The following ARHGAP8 variants were observed in gnomAD, a reference collection of about 807,000 sequenced individuals.
The protein encoded by ARHGAP8 is Rho GTPase activating protein 8, also known as rho GTPase-activating protein 8.
A neutral mutation model predicts 46.1 loss-of-function variants in ARHGAP8; 62 were observed. That is an observed-to-expected ratio of 1.34 (90% confidence interval 1.10 to 1.66). ARHGAP8 has a LOEUF of 1.66. Ranked by LOEUF, ARHGAP8 falls within the 40% of genes most tolerant of loss-of-function variation. ARHGAP8 has a pLI of 0.00. For synonymous variants in ARHGAP8, 375 were observed against 243.1 expected (o/e 1.54, Z -5.05); for missense variants, 923 against 568.4 (o/e 1.62, Z -6.34).
rs534993216 is a variant in ARHGAP8, at chr22:44,853,276, A to G, written c.877+4216A>G. ...GGGTGTTCCGGTGAACTTTCTGAGC[A>G]GACTGAGTAGGAGGCACAAGGACTA... On this transcript the variant is annotated intron_variant, in intron 10 of 11. Coordinates refer to ENST00000356099, the MANE Select transcript of ARHGAP8 (RefSeq NM_181335.3). 3.3e-5 allele frequency among the ~76,000 whole-genome samples: 5 copies of G among 152,332 alleles called. No individual in the cohort carries two copies. The South Asian group carries it at 1.0e-3, about 32-fold the overall frequency.
chr22:44,810,960 T>C (rs1239343201), intron 4 of ARHGAP8, among the ~76,000 whole-genome samples: 1 of 152,114 alleles, frequency 6.6e-6, no homozygotes, highest in East Asian at 1.9e-4. Context: ...ATGTGCACAG[T>C]AGCCCTGTCT....
chr22:44,814,272 C>T (rs530337946), intron 4 of ARHGAP8, among the ~76,000 whole-genome samples: 2 of 152,320 alleles, frequency 1.3e-5, no homozygotes, highest in South Asian at 2.1e-4. Context: ...ATAACCAACA[C>T]GGTGAGCTCC....
intron 1 of ARHGAP8, chr22:44,765,764 A>G (rs1054548236): frequency 6.6e-6 from 1 of 152,380 alleles, no homozygotes; most frequent in African/African-American, 2.4e-5. Flanking sequence ...GCATGTGCCA[A>G]GTTCTCAGCT....
chr22:44,835,880 G>A (rs1255202868), intron 7 of ARHGAP8, among the ~76,000 whole-genome samples: 6 of 151,942 alleles, frequency 3.9e-5, no homozygotes, highest in Admixed American at 6.6e-5. Context: ...TCCTGTGTGC[G>A]TAGGATATGC....
At chr22:44,760,295 C>G (rs560056835) in intron 1 of ARHGAP8, among the ~76,000 whole-genome samples, 1 of 152,160 alleles carries the variant, frequency 6.6e-6, no homozygotes, top group Non-Finnish European at 1.5e-5. Context: ...TGGGATGCCA[C>G]TGGGGGACCC....
intron 7 of ARHGAP8, among the ~76,000 whole-genome samples, chr22:44,844,548 C>T (rs1394234872): frequency 2.0e-5 from 3 of 152,086 alleles, no homozygotes; most frequent in Non-Finnish European, 4.4e-5. Flanking sequence ...CTGCAACCTC[C>T]ACCTCATGGG....
chr22:44,815,517 C>T (rs1054804532), intron 5 of ARHGAP8, among the ~76,000 whole-genome samples: 1 of 152,116 alleles, frequency 6.6e-6, no homozygotes, highest in Non-Finnish European at 1.5e-5. Flanking sequence ...GAGGTTTCCA[C>T]CCAGGAGCAG....
chr22:44,771,806 C>T (rs952280098), intron 1 of ARHGAP8, among the ~76,000 whole-genome samples: 9 of 152,086 alleles, frequency 5.9e-5, no homozygotes, highest in Non-Finnish European at 1.3e-4. Context: ...CCACCCGCCT[C>T]GGCCTCCCAA....
chr22:44,798,908 G>GC (rs11433823), intron 2 of ARHGAP8, among the ~76,000 whole-genome samples: 42,519 of 152,040 alleles, frequency 0.28, 7,214 homozygotes, highest in African/African-American at 0.47. Context: ...GGGATTACAG[G>GC]CATGTGCAAC....
intron 1 of ARHGAP8, among the ~76,000 whole-genome samples, chr22:44,760,458 C>G (rs1925046263): frequency 6.6e-6 from 1 of 152,110 alleles, no homozygotes; most frequent in Non-Finnish European, 1.5e-5. Context: ...GAAGCTTAGG[C>G]CTGGGTGGCA....
At chr22:44,793,696 A>G (rs1201902557) in intron 2 of ARHGAP8, among the ~76,000 whole-genome samples, 2 of 152,204 alleles carry the variant, frequency 1.3e-5, no homozygotes, top group Non-Finnish European at 2.9e-5. Flanking sequence ...GGCTTCTCCT[A>G]TTGCAGAGAC....
At chr22:44,837,119 A>G (rs1198205857) in intron 7 of ARHGAP8, among the ~76,000 whole-genome samples, 1 of 152,164 alleles carries the variant, frequency 6.6e-6, no homozygotes, top group Non-Finnish European at 1.5e-5. Flanking sequence ...TCCCGACCTC[A>G]GGTGATCCGC....
At chr22:44,771,002 A>T (rs988860961) in intron 1 of ARHGAP8, among the ~76,000 whole-genome samples, 10 of 152,242 alleles carry the variant, frequency 6.6e-5, no homozygotes, top group African/African-American at 2.4e-4. Context: ...GGTCAGATCA[A>T]ATCTCTTTCA....
intron 4 of ARHGAP8, among the ~76,000 whole-genome samples, chr22:44,812,647 G>A (rs371234552): frequency 6.6e-6 from 1 of 151,822 alleles, no homozygotes; most frequent in Admixed American, 6.6e-5. Context: ...GAGCCACCGC[G>A]CCCTGCCTCA....
chr22:44,842,194 T>TA (rs1931697321), intron 7 of ARHGAP8, among the ~76,000 whole-genome samples: 1 of 152,064 alleles, frequency 6.6e-6, no homozygotes, highest in African/African-American at 2.4e-5. Flanking sequence ...CCGTCTCTAC[T>TA]AAAAATACAA....
intron 2 of ARHGAP8, among the ~76,000 whole-genome samples, chr22:44,798,020 A>T (rs1928220326): frequency 7.3e-6 from 1 of 137,332 alleles, no homozygotes; most frequent in Non-Finnish European, 1.5e-5. Flanking sequence ...ACTCTTGCCC[A>T]GGCTAGAGTG....
intron 10 of ARHGAP8, among the ~76,000 whole-genome samples, chr22:44,858,533 CTTTT>C (rs10700242): frequency 5.6e-5 from 5 of 89,780 alleles, no homozygotes; most frequent in Non-Finnish European, 6.0e-5. Flanking sequence ...CCATACCCGG[CTTTT>C]TTTTTTTTTT....
chr22:44,830,683 T>C (rs1930884746), intron 7 of ARHGAP8, among the ~76,000 whole-genome samples: 1 of 152,052 alleles, frequency 6.6e-6, no homozygotes, highest in Non-Finnish European at 1.5e-5. Context: ...ACTACAGGTA[T>C]GTGCCACCAT....
At chr22:44,846,425 A>G (rs1338079337) in intron 8 of ARHGAP8, among the ~76,000 whole-genome samples, 1 of 152,206 alleles carries the variant, frequency 6.6e-6, no homozygotes, top group Non-Finnish European at 1.5e-5. Flanking sequence ...GAGTCCATGC[A>G]CATGGGGGTG....
Sources: allele counts gnomAD v4.1 joint callset (sites outside exome capture counted in the v4.1 genomes callset), GRCh38; gene constraint gnomAD v4.1.1; transcripts MANE v1.5; gene names NCBI Gene and HGNC (gene_info 2026-07-23, HGNC 2026-07-21).